Variants in FMO5 observed in about 807,000 individuals in gnomAD.
FMO5 encodes flavin-containing monooxygenase 5.
FMO5 carries 51 observed loss-of-function variants against 43.6 expected under a neutral mutation model. The ratio of observed to expected loss-of-function variants is 1.17; its 90% CI spans 0.93 to 1.48. The LOEUF (loss-of-function observed/expected upper bound fraction) is 1.48. Ranked by LOEUF, FMO5 falls within the 40% of genes most tolerant of loss-of-function variation. The pLI is 0.00. For missense variants in FMO5, 644 were observed against 643.0 expected (o/e 1.00, Z -0.02); for synonymous variants, 187 against 216.5 (o/e 0.86, Z 1.20).
rs936071456 is a variant in FMO5 at position 147,215,579 on chromosome 1, C to T, written c.324+175G>A. Reference sequence around the variant, plus strand: ...CAAAATATATGAAAGAGAGACTGTCCCTTGAATATTTTTGAGGAGCAAAGG... The same window carrying T: ...CAAAATATATGAAAGAGAGACTGTCTCTTGAATATTTTTGAGGAGCAAAGG... On this transcript the variant is annotated intron_variant, in intron 3 of 8. Transcript: ENST00000254090. 12 of 544,140 alleles carry T rather than the reference C, an allele frequency of 2.2e-5. No homozygotes were observed. The Admixed American group carries it at 2.5e-4, about 11-fold the overall frequency. The allele number at this position is 544,140 out of a possible 1,614,324, so 33.7% of individuals were successfully genotyped here.
intron 7 of FMO5, among the ~76,000 whole-genome samples, chr1:147,193,955 G>C (rs587765604): frequency 1.3e-5 from 2 of 151,764 alleles, no homozygotes; most frequent in South Asian, 4.2e-4. Context: ...AATAGGTGTG[G>C]TGTGGTGCTG....
At chr1:147,203,163 G>A in intron 6 of FMO5, 3 of 527,686 alleles carry the variant, frequency 5.7e-6, no homozygotes, top group Admixed American at 3.6e-5. Context: ...ATCCAGCCAA[G>A]AATACAAACA....
At position 147,212,086 on chromosome 1, in the gene FMO5, T is replaced by G. The variant is rs2101954445; in HGVS notation, c.630+307A>C. 1.3e-5 allele frequency among the ~76,000 whole-genome samples: 2 copies of G among 152,076 alleles called. 1 individual carries two copies. The highest frequency in any genetic ancestry group is 4.1e-4 in the South Asian group (2 of 4,826). ...AACCTCTCCCAGCAATTACTTTGTC[T>G]TTATCAAAGCCAGAGGCACACTCTG... On this transcript the variant is annotated intron_variant, in intron 5 of 8. Coordinates refer to ENST00000254090, the MANE Select transcript of FMO5 (RefSeq NM_001461.4).
At chr1:147,200,793 T>C (rs1561879) in intron 7 of FMO5, among the ~76,000 whole-genome samples, 5,606 of 152,288 alleles carry the variant, frequency 0.037, 109 homozygotes, top group African/African-American at 0.047. Flanking sequence ...ACTTCAGAAA[T>C]ATATGCCAGT....
At chr1:147,225,174 A>G (rs1663828162) in intron 1 of FMO5, 108 bp from the exon 2 acceptor site, 1 of 1,495,998 alleles carries the variant, frequency 6.7e-7, no homozygotes, top group East Asian at 2.4e-5. Context: ...TGTCTTGAGG[A>G]GGACAGATTC....
chr1:147,205,066 C>T (rs1659749061), intron 6 of FMO5: 1 of 627,264 alleles, frequency 1.6e-6, no homozygotes, highest in Non-Finnish European at 2.8e-6. Flanking sequence ...CCATACCAGA[C>T]TACATGCAAG....
intron 2 of FMO5, among the ~76,000 whole-genome samples, chr1:147,219,467 T>C (rs1553925799): frequency 6.6e-6 from 1 of 152,128 alleles, no homozygotes. Context: ...AAACTAGGAA[T>C]GGAGAGAAAC....
intron 6 of FMO5, among the ~76,000 whole-genome samples, chr1:147,206,235 T>C: frequency 1.3e-5 from 2 of 150,488 alleles, no homozygotes; most frequent in African/African-American, 2.5e-5. Context: ...TCACACCAGT[T>C]AGAATGGCGA....
chr1:147,212,022 G>T (rs74121831), intron 5 of FMO5, among the ~76,000 whole-genome samples: 2,962 of 152,230 alleles, frequency 0.019, 79 homozygotes, highest in African/African-American at 0.068. Flanking sequence ...ACTTCTGCTG[G>T]CCAATTGAAG....
chr1:147,187,097 T>A lies in FMO5; in HGVS notation c.1405A>T (p.Thr469Ser). Residue 469 changes from threonine (T) to serine (S), a missense_variant, in exon 9 of 9, where the codon ACT becomes TCT. Physicochemically the swap from Thr to Ser is moderately conservative, Grantham distance 58 (BLOSUM62 1). Transcript: ENST00000254090. ...LALHLLLGPC[T>S]PIHYRVQGPG... ...CCCTGTACACGATAGTGGATTGGAGTGCAGGGTCCCAGTAATAAGTGTAAT... is the reference window on the plus strand; with the variant it reads ...CCCTGTACACGATAGTGGATTGGAGAGCAGGGTCCCAGTAATAAGTGTAAT... 1 of 1,613,928 alleles carries A rather than the reference T, an allele frequency of 6.2e-7. No homozygotes were observed.
At chr1:147,199,318 G>A (rs1658586184) in intron 7 of FMO5, among the ~76,000 whole-genome samples, 1 of 152,162 alleles carries the variant, frequency 6.6e-6, no homozygotes. Flanking sequence ...GCAAGAATGT[G>A]GGAGGCAGAC....
intron 8 of FMO5, among the ~76,000 whole-genome samples, chr1:147,188,993 C>T (rs1168615327): frequency 6.6e-6 from 1 of 151,992 alleles, no homozygotes; most frequent in Non-Finnish European, 1.5e-5. Context: ...GAGCAGTTTC[C>T]GGCCAGGTAC....
At chr1:147,193,599 AG>A (rs1440894991) in intron 7 of FMO5, among the ~76,000 whole-genome samples, 1 of 152,024 alleles carries the variant, frequency 6.6e-6, no homozygotes, top group Non-Finnish European at 1.5e-5. Context: ...TTGTGATGTT[AG>A]GGTGTCAATT....
intron 3 of FMO5, among the ~76,000 whole-genome samples, chr1:147,214,459 C>CAAA (rs782281901): frequency 0.037 from 5,454 of 149,170 alleles, 153 homozygotes; most frequent in South Asian, 0.094. Flanking sequence ...TGAAAAAAAA[C>CAAA]AAAAAACAAA....
At chr1:147,212,990 G>A (rs1661339744) in intron 4 of FMO5, among the ~76,000 whole-genome samples, 2 of 151,736 alleles carry the variant, frequency 1.3e-5, no homozygotes, top group African/African-American at 4.8e-5. Context: ...CAATATTTGT[G>A]TTTACTGCTG....
chr1:147,215,738 C>T lies in FMO5; in HGVS notation c.324+16G>A. 1.9e-6 allele frequency: 3 copies of T among 1,561,060 alleles called. No individual in the cohort carries two copies. Among genetic ancestry groups the T allele is most frequent in the Non-Finnish European group, 2.6e-6 (3 of 1,149,752 alleles). On this transcript the variant is annotated intron_variant, in intron 3 of 8. Transcript: ENST00000254090. Reference sequence around the variant, plus strand: ...CAAACAACTTCAAACACAAAGATACCCACACAATTTTCTACCTTAAATCGA... The same window carrying T: ...CAAACAACTTCAAACACAAAGATACTCACACAATTTTCTACCTTAAATCGA...
rs1553918166 is a variant in FMO5 at position 147,190,233 on chromosome 1, G to C, written c.1200C>G (p.Pro400=). The part of the protein sequence containing the change: ...TQVFKGLKTL[P]SQSEMMAEIS... ...TTTCTGCCATCATTTCACTCTGTGAGGGCAATGTCTTTAGACCTAAAAACA... is the reference window on the plus strand; with the variant it reads ...TTTCTGCCATCATTTCACTCTGTGACGGCAATGTCTTTAGACCTAAAAACA... The change falls in exon 8 of 9, where the codon CCC becomes CCG. Residue 400 remains proline, a synonymous_variant. Transcript: ENST00000254090. 7 of 1,609,682 alleles carry C rather than the reference G, an allele frequency of 4.3e-6. 1 individual carries two copies. The South Asian group carries it at 6.6e-5, about 15-fold the overall frequency.
At position 147,201,209 on chromosome 1, in the gene FMO5, C is replaced by T. The variant is rs1553920812; in HGVS notation, c.1126G>A (p.Gly376Arg). ...AGCTCTGAAATGGGCATAATGGCTC[C>T]TAAGGGCTGAATCAAGCCTATGATT... is the stretch of plus-strand genomic sequence containing the variant. Reference protein sequence around the residue: ...LAIIGLIQPLGAIMPISELQG... With the variant: ...LAIIGLIQPLRAIMPISELQG... The change falls in exon 7 of 9, where the codon GGA (glycine) becomes AGA (arginine). Residue 376 changes from glycine to arginine, a missense_variant. Transcript: ENST00000254090. 1 of 1,614,136 alleles carries T rather than the reference C, an allele frequency of 6.2e-7. No individual in the cohort carries two copies. Among genetic ancestry groups the T allele is most frequent in the South Asian group, 1.1e-5 (1 of 91,080 alleles).
intron 4 of FMO5, 40 bp from the exon 5 acceptor site, chr1:147,212,575 C>T: frequency 6.4e-7 from 1 of 1,563,314 alleles, no homozygotes; most frequent in Non-Finnish European, 8.7e-7. Context: ...TAATGGTTTA[C>T]ATGATAGATA....
Sources: gnomAD v4.1 joint callset for allele counts (sites outside exome capture counted in the v4.1 genomes callset) on GRCh38, gnomAD v4.1.1 for gene constraint, MANE v1.5 for transcripts, NCBI Gene and HGNC (gene_info 2026-07-23, HGNC 2026-07-21) for gene names.